Variants in CORO1A observed in about 807,000 individuals in gnomAD.
CORO1A encodes the protein coronin 1A, also known as coronin-1A.
CORO1A carries 17 observed loss-of-function variants against 44.1 expected under a neutral mutation model. The observed-to-expected ratio is 0.39, with a 90% CI of 0.26 to 0.58. The LOEUF (loss-of-function observed/expected upper bound fraction) is 0.58, where lower values mean the gene tolerates loss of function less well. CORO1A is among the 20% of genes least tolerant of loss of function. The pLI is 0.62. For synonymous variants in CORO1A, 271 were observed against 244.2 expected (o/e 1.11, Z -1.02); for missense variants, 415 against 606.5 (o/e 0.68, Z 3.32).
In CORO1A at chr16:30,188,455, C is replaced by A; in HGVS notation, c.1160C>A (p.Pro387His). ...EEWLGGRDAG[P>H]LLISLKDGYV... ...TGGCTGGGGGGTCGGGATGCTGGGC[C>A]CCTCCTCATCTCCCTCAAGGATGGC... The change falls in exon 10 of 11, where the codon CCC becomes CAC. Residue 387 changes from proline (P) to histidine (H), a missense_variant. Transcript: ENST00000219150. 1 of 1,613,402 alleles carries A rather than the reference C, an allele frequency of 6.2e-7. No individual in the cohort carries two copies. Among genetic ancestry groups the A allele is most frequent in the Non-Finnish European group, 8.5e-7 (1 of 1,179,996 alleles).
At position 30,187,429 on chromosome 16, in the gene CORO1A, C is replaced by A; in HGVS notation, c.684C>A (p.Phe228Leu). The change falls in exon 6 of 11, where the codon TTC becomes TTA. Residue 228 changes from phenylalanine (F) to leucine (L), a missense_variant. Coordinates refer to ENST00000219150, the MANE Select transcript of CORO1A (RefSeq NM_007074.4). ...HEGTRPVRAV[F>L]VSEGKILTTG... is the part of the protein sequence containing the mutation. The stretch of plus-strand genomic sequence containing the variant: ...GGACCCGGCCCGTGCGTGCAGTGTT[C>A]GTGTCGGAGGGGAAGATCCTGACCA... 6.2e-7 allele frequency: 1 copy of A among 1,611,024 alleles called. No homozygotes were observed. The highest frequency in any genetic ancestry group is 8.5e-7 in the Non-Finnish European group (1 of 1,179,998).
intron 5 of CORO1A, 55 bp from the exon 6 acceptor site, chr16:30,187,327 C>G: frequency 1.2e-6 from 2 of 1,606,670 alleles, no homozygotes. Context: ...CCACCTGGGA[C>G]TGGCCCCGTA....
rs1596915476 is a variant in CORO1A, at chr16:30,184,797, T to G, written c.-1-412T>G. 1 of 293,252 alleles carries G rather than the reference T, an allele frequency of 3.4e-6. No individual in the cohort carries two copies. Among genetic ancestry groups the G allele is most frequent in the Non-Finnish European group, 6.7e-6 (1 of 149,394 alleles). 18.2% of individuals were successfully genotyped at this position (293,252 alleles called of 1,614,324 possible). ...AAGCGCTGTGTGGGTGTGAGGGAGG[T>G]GGGCTCTGGACACGGTAACTAAGAG... On this transcript the variant is annotated intron_variant, in intron 1 of 10. Coordinates refer to ENST00000219150, the MANE Select transcript of CORO1A (RefSeq NM_007074.4). This position sits in a 1 kb window ranked among gnomAD's most constrained non-coding sequence, Gnocchi z 4.3.
In CORO1A at chr16:30,184,856, C is replaced by T. The variant is rs2073316110; in HGVS notation, c.-1-353C>T. On this transcript the variant is annotated intron_variant, in intron 1 of 10. Coordinates refer to ENST00000219150, the MANE Select transcript of CORO1A (RefSeq NM_007074.4). The surrounding 1 kb of genome is among the most constrained non-coding windows in gnomAD (Gnocchi z 4.3). ...CCCTCGGAGCCATCTGGGCTGATGA[C>T]GCCTGAGTCTGAACCATTAGGAAGG... 7.5e-6 allele frequency: 3 copies of T among 400,112 alleles called. No individual in the cohort carries two copies. The highest frequency in any genetic ancestry group is 1.1e-4 in the East Asian group (2 of 17,468). The allele number at this position is 400,112 out of a possible 1,614,324, so 24.8% of individuals were successfully genotyped here.
In CORO1A at chr16:30,185,595, CAGA is replaced by C. The variant is rs2073324705; in HGVS notation, c.198+191_198+193del. On this transcript the variant is annotated intron_variant, in intron 2 of 10. Transcript: ENST00000219150. The stretch of plus-strand genomic sequence containing the variant: ...CTGTGGCTGTGTGGAAACTGACGCT[CAGA>C]AGGAGCCAACACAAGATGGGTCACA... 12 of 612,982 alleles carry C rather than the reference CAGA, an allele frequency of 2.0e-5. No homozygotes were observed. In the South Asian group the frequency reaches 2.4e-4, roughly 12 times the overall value. 38.0% of individuals were successfully genotyped at this position (612,982 alleles called of 1,614,324 possible).
rs1296294360 is a variant in CORO1A at position 30,187,235 on chromosome 16, T to C, written c.636+12T>C. 1.9e-6 allele frequency: 3 copies of C among 1,610,360 alleles called. No individual in the cohort carries two copies. The highest frequency in any genetic ancestry group is 1.7e-5 in the Admixed American group (1 of 60,006). ...GCACTGTCGTAGCTGTGAGTCGCCA[T>C]CTACCCTGACCTTTGACCCTACAGC... On this transcript the variant is annotated intron_variant, in intron 5 of 10. Coordinates refer to ENST00000219150, the MANE Select transcript of CORO1A (RefSeq NM_007074.4).
At chr16:30,187,850 G>GGGGGTGGGAGGTGGGC in intron 7 of CORO1A, 21 bp downstream of exon 7, 2 of 1,520,762 alleles carry the variant, frequency 1.3e-6, no homozygotes. Context: ...CGGGCGGGGT[G>GGGGGTGGGAGGTGGGC]GGGGTGGGAG....
intron 2 of CORO1A, 118 bp from the exon 3 acceptor site, chr16:30,186,480 T>A: frequency 2.1e-4 from 213 of 1,015,108 alleles, no homozygotes; most frequent in Non-Finnish European, 3.1e-4. Context: ...CCCCAGGCCC[T>A]GGTCCAGCTC....
At position 30,188,257 on chromosome 16, in the gene CORO1A, TC is replaced by T. The variant is rs756772729; in HGVS notation, c.1065+13del. Reference sequence around the variant, plus strand: ...ATGACAGTGCCTCGAAAGGTGATGCTCCCCCGCCCCACCCTGGGCTCCAGGC... The same window carrying T: ...ATGACAGTGCCTCGAAAGGTGATGCTCCCCGCCCCACCCTGGGCTCCAGGC... On this transcript the variant is annotated intron_variant, in intron 9 of 10. Coordinates refer to ENST00000219150, the MANE Select transcript of CORO1A (RefSeq NM_007074.4). 22 of 1,613,556 alleles carry T rather than the reference TC, an allele frequency of 1.4e-5. No homozygotes were observed. The highest frequency in any genetic ancestry group is 1.8e-5 in the Non-Finnish European group (21 of 1,179,768).
chr16:30,185,519 G>A lies in CORO1A; in HGVS notation c.198+112G>A, dbSNP rs890744845. The A allele has an allele frequency of 4.3e-6, 4 of 931,922 alleles. No individual in the cohort carries two copies. The Middle Eastern group carries it at 1.0e-3, about 232-fold the overall frequency. The allele number at this position is 931,922 out of a possible 1,614,324, so 57.7% of individuals were successfully genotyped here. On this transcript the variant is annotated intron_variant, in intron 2 of 10. Transcript: ENST00000219150. ...CTTCCAGGGCCTGTGTTGCCATCTG[G>A]AAAACTGAGCTGGGCCCCATGAGCC...
At position 30,186,830 on chromosome 16, in the gene CORO1A, A is replaced by G. The variant is rs1132812; in HGVS notation, c.336A>G (p.Pro112=). The G allele has an allele frequency of 0.58, 933,105 of 1,610,452 alleles. 281,087 individuals carry two copies. Among genetic ancestry groups the G allele is most frequent in the East Asian group, 0.91 (40,645 of 44,850 alleles). The part of the protein sequence containing the change: ...EDCTVMVWEI[P]DGGLMLPLRE... ...CTCCTCTGCAGGTGTGGGAGATCCC[A>G]GATGGGGGCCTGATGCTGCCCCTGC... The change falls in exon 4 of 11, where the codon CCA becomes CCG. Residue 112 remains proline, a synonymous_variant. Transcript: ENST00000219150.
rs1286214241 is a variant in CORO1A, at chr16:30,186,727, G to A, written c.321+7G>A. ...CGAGGACTGCACAGTCATGGTGAGT[G>A]GTGGTGGGGACCCAGGGGCTGGGAG... On this transcript the variant is annotated splice_region_variant and intron_variant, in intron 3 of 10. Transcript: ENST00000219150. The A allele has an allele frequency of 6.2e-7, 1 of 1,611,616 alleles. No individual in the cohort carries two copies. The highest frequency in any genetic ancestry group is 8.5e-7 in the Non-Finnish European group (1 of 1,179,820).
intron 2 of CORO1A, chr16:30,186,188 C>T (rs2073331249): frequency 3.2e-6 from 1 of 311,802 alleles, no homozygotes; most frequent in African/African-American, 2.2e-5. Flanking sequence ...CCTGCAGCCC[C>T]ACCACTCACA....
rs1207653568 is a variant in CORO1A, at chr16:30,186,348, C to T, written c.199-250C>T. On this transcript the variant is annotated intron_variant, in intron 2 of 10. Coordinates refer to ENST00000219150, the MANE Select transcript of CORO1A (RefSeq NM_007074.4). ...AGAGACAGACTGAGACAGAGACCGG[C>T]GGGAACTCTGCCAGGGTCTTGCACG... The T allele has an allele frequency of 9.5e-6, 5 of 527,348 alleles. No individual in the cohort carries two copies. The East Asian group carries it at 1.4e-4, about 14-fold the overall frequency. The allele number at this position is 527,348 out of a possible 1,614,324, so 32.7% of individuals were successfully genotyped here. A position where few individuals can be genotyped will look rare whatever the true frequency, so the allele number is the denominator to read the frequency against.
chr16:30,186,373 G>A (rs1224630570), intron 2 of CORO1A: 13 of 575,880 alleles, frequency 2.3e-5, no homozygotes, highest in African/African-American at 7.4e-5. Flanking sequence ...GGTCTTGCAC[G>A]GCCCCCAACC....
rs201721540 is a variant in CORO1A, at chr16:30,186,861, C to A, written c.367C>A (p.Pro123Thr). The change falls in exon 4 of 11, where the codon CCC (proline) becomes ACC (threonine). Residue 123 changes from proline to threonine, a missense_variant. This residue lies in a region of CORO1A where 325 missense variants were observed against 521.7 expected (regional missense o/e 0.62). Transcript: ENST00000219150. ...GGGCCTGATGCTGCCCCTGCGGGAGCCCGTCGTCACCCTGGAGGGCCACAC... is the reference window on the plus strand; with the variant it reads ...GGGCCTGATGCTGCCCCTGCGGGAGACCGTCGTCACCCTGGAGGGCCACAC... Reference protein sequence around the residue: ...DGGLMLPLREPVVTLEGHTKR... With the variant: ...DGGLMLPLRETVVTLEGHTKR... 42 of 1,611,856 alleles carry A rather than the reference C, an allele frequency of 2.6e-5. No homozygotes were observed. The highest frequency in any genetic ancestry group is 3.5e-5 in the Non-Finnish European group (41 of 1,179,992).
Position 30,185,269 on chromosome 16 carries a change from G to C in CORO1A, c.60G>C (p.Lys20Asn). 1 of 1,614,224 alleles carries C rather than the reference G, an allele frequency of 6.2e-7. No homozygotes were observed. Among genetic ancestry groups the C allele is most frequent in the Non-Finnish European group, 8.5e-7 (1 of 1,180,032 alleles). The change falls in exon 2 of 11, where the codon AAG (lysine) becomes AAC (asparagine). Residue 20 changes from lysine to asparagine, a missense_variant. Physicochemically the swap from Lys to Asn is moderately conservative, Grantham distance 94. Transcript: ENST00000219150. ...GCCACGTGTTTGGACAGCCGGCCAAGGCCGACCAGTGCTATGAAGATGTGC... is the reference window on the plus strand; with the variant it reads ...GCCACGTGTTTGGACAGCCGGCCAACGCCGACCAGTGCTATGAAGATGTGC... ...KFRHVFGQPA[K>N]ADQCYEDVRV...
intron 2 of CORO1A, chr16:30,185,715 G>T: frequency 2.2e-6 from 1 of 452,016 alleles, no homozygotes; most frequent in Non-Finnish European, 4.0e-6. Context: ...AACACAGAGG[G>T]GGTTGGGATG....
rs2073320706 is a variant in CORO1A, at chr16:30,185,284, T to C, written c.75T>C (p.Tyr25=). The C allele has an allele frequency of 1.3e-5, 21 of 1,614,230 alleles. No individual in the cohort carries two copies. The highest frequency in any genetic ancestry group is 1.8e-5 in the Non-Finnish European group (21 of 1,180,026). The part of the protein sequence containing the change: ...FGQPAKADQC[Y]EDVRVSQTTW... Reference sequence around the variant, plus strand: ...AGCCGGCCAAGGCCGACCAGTGCTATGAAGATGTGCGCGTCTCACAGACCA... The same window carrying C: ...AGCCGGCCAAGGCCGACCAGTGCTACGAAGATGTGCGCGTCTCACAGACCA... Residue 25 remains tyrosine, a synonymous_variant, in exon 2 of 11, where the codon TAT becomes TAC. Coordinates refer to ENST00000219150, the MANE Select transcript of CORO1A (RefSeq NM_007074.4).
Sources: gnomAD v4.1 joint callset for allele counts on GRCh38, gnomAD v4.1.1 for gene constraint, gnomAD v4.1.1 regional missense constraint, Gnocchi (gnomAD v3.1) non-coding constraint, MANE v1.5 for transcripts, NCBI Gene and HGNC (gene_info 2026-07-23, HGNC 2026-07-21) for gene names.